PRUNE2: variants seen among roughly 807,000 people sequenced by gnomAD.
The protein encoded by PRUNE2 is prune homolog 2 with BCH domain, also known as protein prune homolog 2.
PRUNE2 carries 164 observed loss-of-function variants against 252.0 expected under a neutral mutation model. The observed-to-expected ratio is 0.65, with a 90% CI of 0.57 to 0.74. The LOEUF is 0.74. Among genes scored for constraint, PRUNE2 ranks in the 30% least tolerant of loss-of-function variants. The pLI, the probability that PRUNE2 is intolerant of heterozygous loss-of-function variation, is 0.00. For synonymous variants in PRUNE2, 1,292 were observed against 1,350.2 expected, an observed-to-expected ratio of 0.96 and a Z score of 0.94; for missense variants, 3,495 against 3,711.0, an observed-to-expected ratio of 0.94 and a Z score of 1.51.
chr9:76,775,717 G>A (rs908206141), intron 6 of PRUNE2, among the ~76,000 whole-genome samples: 22 of 152,336 alleles, frequency 1.4e-4, no homozygotes, highest in Admixed American at 9.8e-4. Flanking sequence ...TCTTGGATGT[G>A]AAAATAGTTG....
chr9:76,757,361 T>C (rs1419670061), intron 6 of PRUNE2, among the ~76,000 whole-genome samples: 4 of 152,248 alleles, frequency 2.6e-5, no homozygotes, highest in African/African-American at 9.6e-5. Context: ...TACTGTCAAC[T>C]GGCAAACTCA....
At chr9:76,880,699 A>C (rs991018655) in intron 1 of PRUNE2, among the ~76,000 whole-genome samples, 1 of 152,244 alleles carries the variant, frequency 6.6e-6, no homozygotes, top group African/African-American at 2.4e-5. Context: ...TGCATTTTGA[A>C]GACGAAGCAT....
chr9:76,859,225 A>T (rs920081359), intron 1 of PRUNE2, among the ~76,000 whole-genome samples: 3 of 152,240 alleles, frequency 2.0e-5, no homozygotes, highest in African/African-American at 7.2e-5. Flanking sequence ...CTATGCCAGG[A>T]TTCCAAATCA....
Position 76,705,770 on chromosome 9 carries a change from C to T in PRUNE2, c.6504G>A (p.Leu2168=), listed in dbSNP as rs748090746. 1 of 1,613,910 alleles carries T rather than the reference C, an allele frequency of 6.2e-7. No homozygotes were observed. Among genetic ancestry groups the T allele is most frequent in the African/African-American group, 1.3e-5 (1 of 75,014 alleles). The part of the protein sequence containing the change: ...AELDSENATV[L]PPIGYQADIK... Reference sequence around the variant, plus strand: ...TGTCTGCTTGATAGCCAATTGGAGGCAGCACAGTTGCGTTTTCAGAATCGA... The same window carrying T: ...TGTCTGCTTGATAGCCAATTGGAGGTAGCACAGTTGCGTTTTCAGAATCGA... The change falls in exon 8 of 19, where the codon CTG becomes CTA. Residue 2168 remains leucine, a synonymous_variant. Coordinates refer to ENST00000376718, the MANE Select transcript of PRUNE2 (RefSeq NM_015225.3).
chr9:76,905,865 CT>C, intron 1 of PRUNE2, 62 bp downstream of exon 1: 1 of 1,604,264 alleles, frequency 6.2e-7, no homozygotes, highest in East Asian at 2.2e-5. Context: ...ACACCTTTTC[CT>C]CTCCACCTTT....
chr9:76,698,613 C>T (rs591411), intron 9 of PRUNE2, among the ~76,000 whole-genome samples: 118,999 of 151,864 alleles, frequency 0.78, 46,855 homozygotes, highest in East Asian at 0.94. Flanking sequence ...TTATCCAACA[C>T]TGAGAGAAAG....
At chr9:76,886,023 C>CA (rs535220781) in intron 1 of PRUNE2, among the ~76,000 whole-genome samples, 5,097 of 137,012 alleles carry the variant, frequency 0.037, 245 homozygotes, top group African/African-American at 0.12. Context: ...ACTAAAAATA[C>CA]AAAAAAAAAA....
intron 6 of PRUNE2, chr9:76,738,029 G>T (rs911578943): frequency 1.3e-5 from 2 of 152,050 alleles, no homozygotes; most frequent in East Asian, 3.8e-4. Context: ...TTTAAACAAC[G>T]ACTTATTTAA....
At chr9:76,674,257 A>G (rs1809408497) in intron 9 of PRUNE2, among the ~76,000 whole-genome samples, 2 of 152,206 alleles carry the variant, frequency 1.3e-5, no homozygotes, top group African/African-American at 4.8e-5. Context: ...CTTATACACC[A>G]ACAACAGACA....
intron 10 of PRUNE2, among the ~76,000 whole-genome samples, chr9:76,654,535 A>G (rs1171586317): frequency 6.6e-6 from 1 of 152,254 alleles, no homozygotes; most frequent in Non-Finnish European, 1.5e-5. Context: ...AGCACTTGAA[A>G]TGAGGCTAGT....
intron 1 of PRUNE2, among the ~76,000 whole-genome samples, chr9:76,891,963 A>G (rs1008790630): frequency 3.3e-5 from 5 of 152,190 alleles, no homozygotes; most frequent in Admixed American, 3.3e-4. Flanking sequence ...CTGTGCTCCG[A>G]GTGACCACAC....
Position 76,713,482 on chromosome 9 carries a change from C to G in PRUNE2, c.915+81G>C, listed in dbSNP as rs116345536. 1.4e-3 allele frequency: 1,641 copies of G among 1,151,580 alleles called. 16 individuals carry two copies. The African/African-American group carries it at 0.024, about 17-fold the overall frequency. 71.3% of individuals were successfully genotyped at this position (1,151,580 alleles called of 1,614,324 possible). A position where few individuals can be genotyped will look rare whatever the true frequency, so the allele number is the denominator to read the frequency against. On this transcript the variant is annotated intron_variant, in intron 7 of 18. Coordinates refer to ENST00000376718, the MANE Select transcript of PRUNE2 (RefSeq NM_015225.3). ...GGCTAATTGCTCATGAGCCACCAATCTGTTCTGTCTTGCACTGTGTGTTCT... is the reference window on the plus strand; with the variant it reads ...GGCTAATTGCTCATGAGCCACCAATGTGTTCTGTCTTGCACTGTGTGTTCT...
chr9:76,728,609 A>T (rs2048319601), intron 6 of PRUNE2, among the ~76,000 whole-genome samples: 1 of 152,260 alleles, frequency 6.6e-6, no homozygotes, highest in Admixed American at 6.5e-5. Flanking sequence ...GGGGAAAAAT[A>T]TAAATTCCAA....
rs2132653857 is a variant in PRUNE2 at position 76,638,283 on chromosome 9, A to G, written c.8734T>C (p.Tyr2912His). ...ATGATGGCATTTAGACCGTCCCCAT[A>G]GTATCCTGGGGGACAAACAAAAAGA... ...YRRVISHGGYYGDGLNAIIVF... is the reference protein window; with the variant it reads ...YRRVISHGGYHGDGLNAIIVF... Residue 2912 changes from tyrosine to histidine, a missense_variant, in exon 13 of 19, where the codon TAT becomes CAT. Tyr to His is a moderately conservative substitution (Grantham distance 83, BLOSUM62 2). Coordinates refer to ENST00000376718, the MANE Select transcript of PRUNE2 (RefSeq NM_015225.3). 1.2e-6 allele frequency: 2 copies of G among 1,609,470 alleles called. No individual in the cohort carries two copies. Among genetic ancestry groups the G allele is most frequent in the East Asian group, 2.2e-5 (1 of 44,840 alleles).
At chr9:76,855,273 T>C in intron 1 of PRUNE2, among the ~76,000 whole-genome samples, 1 of 151,884 alleles carries the variant, frequency 6.6e-6, no homozygotes, top group East Asian at 1.9e-4. Flanking sequence ...TCATATAAAT[T>C]AACAACTTTA....
intron 12 of PRUNE2, among the ~76,000 whole-genome samples, chr9:76,643,684 G>A (rs1432444792): frequency 6.6e-6 from 1 of 152,200 alleles, no homozygotes; most frequent in Non-Finnish European, 1.5e-5. Context: ...CATGGCCAGG[G>A]CCAGGGACTG....
intron 6 of PRUNE2, among the ~76,000 whole-genome samples, chr9:76,777,784 A>C (rs868496475): frequency 6.6e-6 from 1 of 152,218 alleles, no homozygotes; most frequent in African/African-American, 2.4e-5. Flanking sequence ...TATTTTATAT[A>C]AGATGGTCAG....
intron 1 of PRUNE2, among the ~76,000 whole-genome samples, chr9:76,891,519 T>C (rs773240846): frequency 2.0e-4 from 30 of 152,354 alleles, no homozygotes; most frequent in Admixed American, 1.4e-3. Context: ...AATCTCACAG[T>C]TGCATACTGT....
chr9:76,789,750 G>A (rs1705307421), intron 6 of PRUNE2, among the ~76,000 whole-genome samples: 1 of 152,014 alleles, frequency 6.6e-6, no homozygotes, highest in South Asian at 2.1e-4. Flanking sequence ...CTCCTGCCTG[G>A]GCCTCTCCTC....
Sources: gnomAD v4.1 joint callset for allele counts (sites outside exome capture counted in the v4.1 genomes callset) on GRCh38, gnomAD v4.1.1 for gene constraint, MANE v1.5 for transcripts, NCBI Gene and HGNC (gene_info 2026-07-23, HGNC 2026-07-21) for gene names.